The following ABHD2 variants were observed in gnomAD, a reference collection of about 807,000 sequenced individuals.
ABHD2 encodes the protein abhydrolase domain containing 2, acylglycerol lipase, also known as monoacylglycerol lipase ABHD2.
In ABHD2, 20 loss-of-function variants were observed where a neutral mutation model predicts 48.1. The observed-to-expected ratio is 0.42, with a 90% CI of 0.29 to 0.60. The LOEUF (loss-of-function observed/expected upper bound fraction) is 0.60, where lower values mean the gene tolerates loss of function less well. Ranked by LOEUF, ABHD2 falls within the 20% of genes least tolerant of loss-of-function variation. The probability of loss-of-function intolerance (pLI) is 0.24; values close to 1 mark genes in which losing one functional copy is unlikely to be tolerated. For missense variants in ABHD2, 405 were observed against 550.9 expected, an observed-to-expected ratio of 0.74 and a Z score of 2.65; for synonymous variants, 209 against 214.2, an observed-to-expected ratio of 0.98 and a Z score of 0.21.
the ABHD2 span, among the ~76,000 whole-genome samples, chr15:89,074,058 A>G: frequency 6.6e-6 from 1 of 152,040 alleles, no homozygotes; most frequent in Non-Finnish European, 1.5e-5. Context: ...GATTTCTTAC[A>G]TTGGTTCTCC....
intron 1 of ABHD2, among the ~76,000 whole-genome samples, chr15:89,095,375 G>C (rs1202268988): frequency 6.6e-6 from 1 of 152,202 alleles, no homozygotes; most frequent in Non-Finnish European, 1.5e-5. Context: ...AGGTGGTACA[G>C]ACTACACAAT....
the ABHD2 span, among the ~76,000 whole-genome samples, chr15:89,054,972 T>G: frequency 1.3e-5 from 2 of 152,146 alleles, no homozygotes; most frequent in Non-Finnish European, 2.9e-5. Flanking sequence ...ACGACTGTAA[T>G]CCTAGTAACT....
intron 5 of ABHD2, among the ~76,000 whole-genome samples, chr15:89,161,162 A>G (rs2150904907): frequency 3.3e-5 from 5 of 152,278 alleles, no homozygotes; most frequent in Admixed American, 3.3e-4. Flanking sequence ...GGTATAGCCA[A>G]GGTTTTTCAG....
chr15:89,064,622 C>G, the ABHD2 span, among the ~76,000 whole-genome samples: 1 of 152,190 alleles, frequency 6.6e-6, no homozygotes, highest in East Asian at 1.9e-4. Flanking sequence ...GACATCATTT[C>G]ATGTCAACAA....
intron 1 of ABHD2, among the ~76,000 whole-genome samples, chr15:89,105,354 T>C (rs944237426): frequency 1.3e-5 from 2 of 152,234 alleles, no homozygotes; most frequent in Non-Finnish European, 2.9e-5. Context: ...CATTTAAATG[T>C]GAGGTTCACG....
intron 1 of ABHD2, among the ~76,000 whole-genome samples, chr15:89,108,014 T>A (rs1226868140): frequency 6.6e-6 from 1 of 152,188 alleles, no homozygotes; most frequent in East Asian, 1.9e-4. Flanking sequence ...GCAATTTGTA[T>A]TATGTTAAGA....
rs562315865 is a variant in ABHD2 at position 89,149,237 on chromosome 15, A to ACACACT, written c.195-2433_195-2428dup. Among the ~76,000 whole-genome samples the ACACACT allele has an allele frequency of 3.6e-3, 548 of 151,812 alleles. 1 individual carries two copies. Among genetic ancestry groups the ACACACT allele is most frequent in the Middle Eastern group, 0.014 (4 of 294 alleles). ...CTAACACACACACACACACACACACACACACTCACACTGAGAATTACTGCA... is the reference window on the plus strand; with the variant it reads ...CTAACACACACACACACACACACACACACACTCACACTCACACTGAGAATTACTGCA... On this transcript the variant is annotated intron_variant, in intron 3 of 10. Coordinates refer to ENST00000352732, the MANE Select transcript of ABHD2 (RefSeq NM_152924.5).
At chr15:89,171,664 G>T (rs1391578480) in intron 5 of ABHD2, among the ~76,000 whole-genome samples, 1 of 152,156 alleles carries the variant, frequency 6.6e-6, no homozygotes, top group Non-Finnish European at 1.5e-5. Context: ...GCTAAGCAGC[G>T]CCCCCATCTG....
In ABHD2 at chr15:89,186,422, C is replaced by T. The variant is rs780600877; in HGVS notation, c.815+906C>T. On this transcript the variant is annotated intron_variant, in intron 7 of 10. Transcript: ENST00000352732. This position sits in a 1 kb window ranked among gnomAD's most constrained non-coding sequence, Gnocchi z 4.3. ...GCTGACATCTCTGCCTCCTCCTCTA[C>T]GCCTCTCATTCCCTCTAGCTGGACT... Among the ~76,000 whole-genome samples the T allele has an allele frequency of 1.1e-4, 16 of 152,174 alleles. No individual in the cohort carries two copies. Among genetic ancestry groups the T allele is most frequent in the South Asian group, 6.2e-4 (3 of 4,818 alleles).
At chr15:89,071,186 A>T in the ABHD2 span, among the ~76,000 whole-genome samples, 1 of 152,112 alleles carries the variant, frequency 6.6e-6, no homozygotes, top group Non-Finnish European at 1.5e-5. Context: ...TTGGGAGGCC[A>T]AGGCGAGTGG....
At position 89,174,886 on chromosome 15, in the gene ABHD2, C is replaced by T. The variant is rs1370357643; in HGVS notation, c.539-926C>T. 4.6e-5 allele frequency among the ~76,000 whole-genome samples: 7 copies of T among 152,284 alleles called. No homozygotes were observed. In the East Asian group the frequency reaches 5.8e-4, roughly 13 times the overall value. On this transcript the variant is annotated intron_variant, in intron 5 of 10. Coordinates refer to ENST00000352732, the MANE Select transcript of ABHD2 (RefSeq NM_152924.5). The surrounding 1 kb of genome is among the most constrained non-coding windows in gnomAD (Gnocchi z 4.1). ...CTTCAATAACTTCCCAAGGGGACACCAGCTGAGATCATCTCTCCTGGGCAA... is the reference window on the plus strand; with the variant it reads ...CTTCAATAACTTCCCAAGGGGACACTAGCTGAGATCATCTCTCCTGGGCAA...
chr15:89,169,076 A>G (rs1178784209), intron 5 of ABHD2, among the ~76,000 whole-genome samples: 1 of 152,188 alleles, frequency 6.6e-6, no homozygotes, highest in Non-Finnish European at 1.5e-5. Flanking sequence ...CTAGGGAGAC[A>G]GAGCGAGACC....
At chr15:89,112,092 G>A (rs923853711) in intron 1 of ABHD2, among the ~76,000 whole-genome samples, 2 of 152,106 alleles carry the variant, frequency 1.3e-5, no homozygotes, top group African/African-American at 4.8e-5. Context: ...ATTAAAGCGG[G>A]CCAGGGATCA....
chr15:89,051,006 T>C, the ABHD2 span, among the ~76,000 whole-genome samples: 5 of 151,292 alleles, frequency 3.3e-5, no homozygotes, highest in African/African-American at 9.7e-5. Flanking sequence ...GCCCAGGTGG[T>C]TGGATCACCT....
At chr15:89,061,566 A>G in the ABHD2 span, among the ~76,000 whole-genome samples, 790 of 152,294 alleles carry the variant, frequency 5.2e-3, 4 homozygotes, top group African/African-American at 0.018. Context: ...AAACAATTCA[A>G]AACAGATCTG....
chr15:89,058,561 C>T, the ABHD2 span, among the ~76,000 whole-genome samples: 4 of 152,226 alleles, frequency 2.6e-5, no homozygotes, highest in Admixed American at 2.0e-4. Context: ...ACAGCAGGAG[C>T]TTCTCCTGCT....
chr15:89,049,496 C>T, the ABHD2 span, among the ~76,000 whole-genome samples: 4 of 152,210 alleles, frequency 2.6e-5, no homozygotes, highest in Non-Finnish European at 5.9e-5. Flanking sequence ...GCCTCGCTGC[C>T]GCCTTGCAGT....
rs1001094218 is a variant in ABHD2, at chr15:89,164,422, C to T, written c.538+8888C>T. ...AGGAAAGGCCTGCAGCGGGAGAGAA[C>T]CTGTGCTTTATAGTCCAACAGCTGA... On this transcript the variant is annotated intron_variant, in intron 5 of 10. Coordinates refer to ENST00000352732, the MANE Select transcript of ABHD2 (RefSeq NM_152924.5). This position sits in a 1 kb window ranked among gnomAD's most constrained non-coding sequence, Gnocchi z 5.0. 2.0e-5 allele frequency among the ~76,000 whole-genome samples: 3 copies of T among 152,132 alleles called. No individual in the cohort carries two copies. Among genetic ancestry groups the T allele is most frequent in the African/African-American group, 7.2e-5 (3 of 41,416 alleles).
chr15:89,086,397 C>T (rs1451786183), upstream of ABHD2, among the ~76,000 whole-genome samples: 1 of 152,078 alleles, frequency 6.6e-6, no homozygotes, highest in African/African-American at 2.4e-5. Context: ...ACATGCTTTA[C>T]TTATTTATGT....
Sources: allele counts gnomAD v4.1 joint callset (sites outside exome capture counted in the v4.1 genomes callset), GRCh38; gene constraint gnomAD v4.1.1; non-coding constraint Gnocchi (gnomAD v3.1); transcripts MANE v1.5; gene names NCBI Gene and HGNC (gene_info 2026-07-23, HGNC 2026-07-21).